NGF: variants seen among roughly 807,000 people sequenced by gnomAD.
NGF encodes beta-nerve growth factor.
A neutral mutation model predicts 12.8 loss-of-function variants in NGF; 4 were observed. The ratio of observed to expected loss-of-function variants is 0.31; its 90% CI spans 0.15 to 0.72. NGF has a LOEUF of 0.72. NGF is among the 30% of genes least tolerant of loss of function. The pLI is 0.69. For synonymous variants in NGF, 140 were observed against 130.0 expected (o/e 1.08, Z -0.52); for missense variants, 283 against 330.8 (o/e 0.86, Z 1.12).
At chr1:115,312,560 C>T (rs1373147826) in intron 1 of NGF, among the ~76,000 whole-genome samples, 1 of 152,158 alleles carries the variant, frequency 6.6e-6, no homozygotes, top group Non-Finnish European at 1.5e-5. Flanking sequence ...CATGAAAATG[C>T]TGATATTTAT....
chr1:115,310,528 G>T (rs1233880403), intron 1 of NGF, among the ~76,000 whole-genome samples: 1 of 152,080 alleles, frequency 6.6e-6, no homozygotes, highest in East Asian at 1.9e-4. Flanking sequence ...TGGGGGTGTG[G>T]GTAAGAAACA....
At chr1:115,317,012 A>G (rs142109567) in intron 1 of NGF, among the ~76,000 whole-genome samples, 2 of 152,054 alleles carry the variant, frequency 1.3e-5, no homozygotes, top group Non-Finnish European at 1.5e-5. Flanking sequence ...TCAAATTTTC[A>G]TATTACTTTA....
intron 1 of NGF, among the ~76,000 whole-genome samples, chr1:115,313,644 A>G (rs895941791): frequency 6.6e-6 from 1 of 152,234 alleles, no homozygotes; most frequent in Admixed American, 6.5e-5. Context: ...TTTTGAAACA[A>G]ATCTTCCAGA....
chr1:115,337,261 G>GTTGTTTTT (rs1655138786), intron 1 of NGF, among the ~76,000 whole-genome samples: 1 of 11,758 alleles, frequency 8.5e-5, no homozygotes, highest in Non-Finnish European at 1.9e-4. Flanking sequence ...TTTTTGTTTT[G>GTTGTTTTT]TTTTTGTTTT....
chr1:115,303,200 A>C (rs1654093204), intron 1 of NGF, among the ~76,000 whole-genome samples: 1 of 152,288 alleles, frequency 6.6e-6, no homozygotes, highest in Admixed American at 6.5e-5. Flanking sequence ...CAAAAGGCAC[A>C]TGTGATGTTT....
intron 1 of NGF, among the ~76,000 whole-genome samples, chr1:115,329,501 T>A (rs1654857120): frequency 6.6e-6 from 1 of 152,150 alleles, no homozygotes; most frequent in South Asian, 2.1e-4. Context: ...TCACACTTTT[T>A]TTGACTATGA....
chr1:115,304,466 G>A lies in NGF; in HGVS notation c.-136-10716C>T, dbSNP rs185731279. On this transcript the variant is annotated intron_variant, in intron 1 of 2. Coordinates refer to ENST00000369512, the MANE Select transcript of NGF (RefSeq NM_002506.3). Reference sequence around the variant, plus strand: ...TGGGATTACAGGTGTGAGCCACTGCGCCTGGCCATATTTTTAAAACCAGGT... The same window carrying A: ...TGGGATTACAGGTGTGAGCCACTGCACCTGGCCATATTTTTAAAACCAGGT... Among the ~76,000 whole-genome samples, 287 of 151,680 alleles carry A rather than the reference G, an allele frequency of 1.9e-3. 1 individual carries two copies. Among genetic ancestry groups the A allele is most frequent in the African/African-American group, 6.6e-3 (271 of 41,344 alleles).
At chr1:115,289,163 G>A (rs763473478) in intron 2 of NGF, among the ~76,000 whole-genome samples, 5 of 152,034 alleles carry the variant, frequency 3.3e-5, no homozygotes, top group African/African-American at 7.2e-5. Context: ...AACTCTTAGC[G>A]GACTGAATAT....
intron 1 of NGF, among the ~76,000 whole-genome samples, chr1:115,310,372 C>T (rs946814473): frequency 6.6e-6 from 1 of 152,174 alleles, no homozygotes; most frequent in Non-Finnish European, 1.5e-5. Context: ...TGTGTCCTTT[C>T]TGTAAATCCT....
At chr1:115,321,577 T>C (rs1654627057) in intron 1 of NGF, among the ~76,000 whole-genome samples, 1 of 1,896 alleles carries the variant, frequency 5.3e-4, no homozygotes, top group Non-Finnish European at 1.2e-3. Context: ...GTGTATGGGA[T>C]GTGTGTGTGT....
intron 1 of NGF, among the ~76,000 whole-genome samples, chr1:115,309,321 T>G (rs1004737939): frequency 2.0e-5 from 3 of 152,226 alleles, no homozygotes; most frequent in African/African-American, 7.2e-5. Flanking sequence ...GAAGGAAATA[T>G]AATATGTATT....
intron 1 of NGF, among the ~76,000 whole-genome samples, chr1:115,319,899 G>A (rs920137753): frequency 9.9e-5 from 15 of 152,190 alleles, no homozygotes; most frequent in African/African-American, 3.6e-4. Context: ...TACAGCACTG[G>A]GCAGGCGTGG....
intron 1 of NGF, among the ~76,000 whole-genome samples, chr1:115,301,324 C>A (rs1212528339): frequency 2.0e-5 from 3 of 152,184 alleles, no homozygotes; most frequent in Non-Finnish European, 4.4e-5. Flanking sequence ...AGAGACTTAA[C>A]CTCTCTGCCC....
chr1:115,290,331 T>C (rs1046817763), intron 2 of NGF, among the ~76,000 whole-genome samples: 1 of 151,086 alleles, frequency 6.6e-6, no homozygotes, highest in Admixed American at 6.6e-5. Context: ...ACAACTTCAA[T>C]GCTGCTTCCC....
intron 1 of NGF, among the ~76,000 whole-genome samples, chr1:115,300,201 T>C (rs558957879): frequency 6.6e-6 from 1 of 152,308 alleles, no homozygotes; most frequent in Non-Finnish European, 1.5e-5. Context: ...TATAATGCGA[T>C]TCAGATGTAA....
At chr1:115,303,220 G>C (rs1238632754) in intron 1 of NGF, among the ~76,000 whole-genome samples, 2 of 152,150 alleles carry the variant, frequency 1.3e-5, no homozygotes, top group Non-Finnish European at 1.5e-5. Context: ...TATGGGCAGA[G>C]ACCAGTACCA....
intron 1 of NGF, among the ~76,000 whole-genome samples, chr1:115,309,324 T>C (rs185534360): frequency 6.6e-6 from 1 of 152,338 alleles, no homozygotes; most frequent in Non-Finnish European, 1.5e-5. Flanking sequence ...GGAAATATAA[T>C]ATGTATTAGC....
In NGF at chr1:115,293,615, T is replaced by G. The variant is rs1321099679; in HGVS notation, c.-13+12A>C. 6.5e-6 allele frequency: 1 copy of G among 152,742 alleles called. No individual in the cohort carries two copies. Among genetic ancestry groups the G allele is most frequent in the Non-Finnish European group, 1.5e-5 (1 of 68,134 alleles). 9.5% of individuals were successfully genotyped at this position (152,742 alleles called of 1,614,324 possible). A position where few individuals can be genotyped will look rare whatever the true frequency, so the allele number is the denominator to read the frequency against. ...AGGACCTTGGCAAGGCCAAGGTCCC[T>G]TAGGCACTTACCTCAGTGTGGCCAG... is the stretch of plus-strand genomic sequence containing the variant. On this transcript the variant is annotated intron_variant, in intron 2 of 2. Transcript: ENST00000369512.
intron 1 of NGF, among the ~76,000 whole-genome samples, chr1:115,308,239 G>A (rs750007157): frequency 1.1e-4 from 16 of 152,234 alleles, no homozygotes; most frequent in Non-Finnish European, 2.1e-4. Context: ...CTATTCCTCT[G>A]TGCCACTGCC....
Sources: gnomAD v4.1 joint callset for allele counts (sites outside exome capture counted in the v4.1 genomes callset) on GRCh38, gnomAD v4.1.1 for gene constraint, MANE v1.5 for transcripts, NCBI Gene and HGNC (gene_info 2026-07-23, HGNC 2026-07-21) for gene names.